The following ADGRD1 variants were observed in gnomAD, a reference collection of about 807,000 sequenced individuals.
The protein encoded by ADGRD1 is G-protein coupled receptor 133.
Under a neutral mutation model 113.4 loss-of-function variants are expected in ADGRD1, and 77 were observed. The ratio of observed to expected loss-of-function variants is 0.68; its 90% CI spans 0.57 to 0.82. The LOEUF is 0.82. Among genes scored for constraint, ADGRD1 ranks in the 40% least tolerant of loss-of-function variants. ADGRD1 has a pLI of 0.00. For missense variants in ADGRD1, 1,036 were observed against 1,139.1 expected, an observed-to-expected ratio of 0.91 and a Z score of 1.30; for synonymous variants, 474 against 475.0, an observed-to-expected ratio of 1.00 and a Z score of 0.03.
intron 13 of ADGRD1, among the ~76,000 whole-genome samples, chr12:131,044,867 G>A (rs1882514977): frequency 6.6e-6 from 1 of 152,246 alleles, no homozygotes; most frequent in South Asian, 2.1e-4. Context: ...AACCCGAAGA[G>A]CACGCCCGCC....
intron 2 of ADGRD1, among the ~76,000 whole-genome samples, chr12:130,955,123 C>CATTTTTTTTTTTTTTTTT (rs1555232321): frequency 3.0e-5 from 3 of 99,694 alleles, no homozygotes; most frequent in Non-Finnish European, 5.8e-5. Context: ...CTACACCCAG[C>CATTTTTTTTTTTTTTTTT]TTTTTTTTTT....
At chr12:131,107,878 C>T (rs372875411) in intron 17 of ADGRD1, among the ~76,000 whole-genome samples, 4 of 152,322 alleles carry the variant, frequency 2.6e-5, no homozygotes, top group East Asian at 1.9e-4. Flanking sequence ...GAACTTGGAG[C>T]GCCAGCAGAG....
rs71451397 is a variant in ADGRD1, at chr12:131,092,882, CT to C, written c.1671+8234del. Among the ~76,000 whole-genome samples, 945 of 143,228 alleles carry C rather than the reference CT, an allele frequency of 6.6e-3. 1 individual carries two copies. The highest frequency in any genetic ancestry group is 0.012 in the African/African-American group (461 of 39,120). The allele number at this position is 143,228 out of a possible 152,430, so 94.0% of individuals were successfully genotyped here. The stretch of plus-strand genomic sequence containing the variant: ...ACATTTTATCTAAAATTTGGGATTT[CT>C]TTTTTTTTTTTTTTAAATAAAACAA... On this transcript the variant is annotated intron_variant, in intron 15 of 24. Transcript: ENST00000261654.
intron 18 of ADGRD1, among the ~76,000 whole-genome samples, chr12:131,116,543 G>A (rs545021175): frequency 3.3e-5 from 5 of 152,336 alleles, no homozygotes; most frequent in East Asian, 1.9e-4. Flanking sequence ...GCCTGGAGGC[G>A]GTCGGGTGGG....
chr12:131,117,714 AAGATGG>A, intron 18 of ADGRD1, among the ~76,000 whole-genome samples: 1 of 152,326 alleles, frequency 6.6e-6, no homozygotes, highest in South Asian at 2.1e-4. Flanking sequence ...ACCTCATGGA[AAGATGG>A]AGTGTGATAG....
chr12:131,080,075 T>C (rs1283849937), intron 14 of ADGRD1, among the ~76,000 whole-genome samples: 1 of 152,218 alleles, frequency 6.6e-6, no homozygotes, highest in Non-Finnish European at 1.5e-5. Flanking sequence ...GTTATTACTA[T>C]GAAGCTTTAT....
Position 130,966,554 on chromosome 12 carries a change from C to T in ADGRD1, c.187+8C>T, listed in dbSNP as rs146291419. 506 of 1,582,466 alleles carry T rather than the reference C, an allele frequency of 3.2e-4. 1 individual carries two copies. In the African/African-American group the frequency reaches 5.9e-3, roughly 18 times the overall value. On this transcript the variant is annotated splice_region_variant and intron_variant, in intron 3 of 24. Coordinates refer to ENST00000261654, the MANE Select transcript of ADGRD1 (RefSeq NM_198827.5). The surrounding 1 kb of genome is among the most constrained non-coding windows in gnomAD (Gnocchi z 4.6). ...TTCAGGATACAACTGGAGGTAGAGA[C>T]GCGGGTGCTGAGAGCGGCTGTGGGC...
At chr12:131,018,457 G>C (rs945207042) in intron 13 of ADGRD1, among the ~76,000 whole-genome samples, 2 of 152,036 alleles carry the variant, frequency 1.3e-5, no homozygotes, top group Non-Finnish European at 2.9e-5. Context: ...CCCACCGAGA[G>C]GGTCCACCAG....
chr12:131,061,246 G>C (rs951104958), intron 13 of ADGRD1, among the ~76,000 whole-genome samples: 1 of 152,220 alleles, frequency 6.6e-6, no homozygotes, highest in African/African-American at 2.4e-5. Context: ...CTTGAAGGCA[G>C]GGGAGGAGGG....
intron 6 of ADGRD1, chr12:130,989,746 G>C (rs1874136397): frequency 6.6e-6 from 1 of 152,296 alleles, no homozygotes; most frequent in African/African-American, 2.4e-5. Context: ...TCATGAGCCA[G>C]AGCTGGCACC....
At chr12:131,059,629 C>T (rs1379036196) in intron 13 of ADGRD1, among the ~76,000 whole-genome samples, 11 of 152,194 alleles carry the variant, frequency 7.2e-5, no homozygotes, top group African/African-American at 2.4e-5. Context: ...GCTGACATGA[C>T]GCTCAAAGGA....
intron 13 of ADGRD1, among the ~76,000 whole-genome samples, chr12:131,051,804 ACTTT>A (rs1414787955): frequency 1.3e-5 from 2 of 152,176 alleles, no homozygotes; most frequent in Admixed American, 1.3e-4. Context: ...TTTTCCTAAC[ACTTT>A]CTTAGCATTT....
At chr12:131,087,735 C>G (rs75818375) in intron 15 of ADGRD1, among the ~76,000 whole-genome samples, 3 of 149,504 alleles carry the variant, frequency 2.0e-5, no homozygotes, top group Middle Eastern at 3.4e-3. Context: ...ACGCCCCCCC[C>G]ATGCCTTCCC....
chr12:131,132,442 C>A (rs1950958441), intron 21 of ADGRD1, among the ~76,000 whole-genome samples: 1 of 152,220 alleles, frequency 6.6e-6, no homozygotes, highest in South Asian at 2.1e-4. Flanking sequence ...CTGGCCTAAG[C>A]AGAAGGGGGA....
chr12:130,960,209 T>G (rs1053961027), intron 2 of ADGRD1, among the ~76,000 whole-genome samples: 6 of 152,254 alleles, frequency 3.9e-5, no homozygotes, highest in Non-Finnish European at 5.9e-5. Context: ...CCAAAGCATG[T>G]CATTACCCAG....
intron 13 of ADGRD1, among the ~76,000 whole-genome samples, chr12:131,016,668 G>A (rs7133296): frequency 0.026 from 3,972 of 152,304 alleles, 166 homozygotes; most frequent in African/African-American, 0.089. Flanking sequence ...CAAGGTGGGC[G>A]GATCACCTGA....
At chr12:131,069,918 C>T (rs1322158762) in intron 13 of ADGRD1, 1 of 152,150 alleles carries the variant, frequency 6.6e-6, no homozygotes, top group African/African-American at 2.4e-5. Context: ...TGAAAGAATA[C>T]AGGTCGCCTT....
rs1455032237 is a variant in ADGRD1, at chr12:131,060,952, T to C, written c.1474-15849T>C. Among the ~76,000 whole-genome samples, 1 of 151,880 alleles carries C rather than the reference T, an allele frequency of 6.6e-6. No individual in the cohort carries two copies. The highest frequency in any genetic ancestry group is 1.5e-5 in the Non-Finnish European group (1 of 67,986). On this transcript the variant is annotated intron_variant, in intron 13 of 24. Transcript: ENST00000261654. The surrounding 1 kb of genome is among the most constrained non-coding windows in gnomAD (Gnocchi z 4.4). ...AACAGAGTGGACAGAGTCCTGAAGGTCCCTCCTCCTGGGGTGCATTTTACG... is the reference window on the plus strand; with the variant it reads ...AACAGAGTGGACAGAGTCCTGAAGGCCCCTCCTCCTGGGGTGCATTTTACG...
chr12:130,967,542 C>T (rs918479198), intron 3 of ADGRD1: 29 of 152,748 alleles, frequency 1.9e-4, no homozygotes, highest in East Asian at 7.7e-4. Flanking sequence ...CCGTGGGAGG[C>T]GTTTTATTTT....
Sources: gnomAD v4.1 joint callset for allele counts (sites outside exome capture counted in the v4.1 genomes callset) on GRCh38, gnomAD v4.1.1 for gene constraint, Gnocchi (gnomAD v3.1) non-coding constraint, MANE v1.5 for transcripts, NCBI Gene and HGNC (gene_info 2026-07-23, HGNC 2026-07-21) for gene names.